The following ZNF273 variants were observed in gnomAD, a reference collection of about 807,000 sequenced individuals.
ZNF273 encodes the protein zinc finger protein 9.
A neutral mutation model predicts 14.9 loss-of-function variants in ZNF273; 11 were observed. The ratio of observed to expected loss-of-function variants is 0.74; its 90% CI spans 0.46 to 1.22. The LOEUF (loss-of-function observed/expected upper bound fraction) is 1.22. ZNF273 is among the 50% of genes most tolerant of loss of function. The pLI is 0.00. For synonymous variants in ZNF273, 199 were observed against 223.9 expected (o/e 0.89, Z 0.99); for missense variants, 577 against 660.6 (o/e 0.87, Z 1.39).
In ZNF273 at chr7:64,912,846, T is replaced by TTTTTTTG. The variant is rs1562959220; in HGVS notation, c.103-4735_103-4734insTTTTTTG. On this transcript the variant is annotated intron_variant, in intron 1 of 3. Coordinates refer to ENST00000476120, the MANE Select transcript of ZNF273 (RefSeq NM_021148.3). ...TTTTAGTTTTTTTTTTTTTTTTTTT[T>TTTTTTTG]GAGATTGAGTTTCGCTCTGTCATCC... 7.2e-3 allele frequency among the ~76,000 whole-genome samples: 712 copies of TTTTTTTG among 98,260 alleles called. 110 individuals carry two copies. Among genetic ancestry groups the TTTTTTTG allele is most frequent in the Non-Finnish European group, 0.015 (605 of 39,246 alleles). The allele number at this position is 98,260 out of a possible 152,430, so 64.5% of individuals were successfully genotyped here. A position where few individuals can be genotyped will look rare whatever the true frequency, so the allele number is the denominator to read the frequency against.
chr7:64,930,592 A>G lies in ZNF273; in HGVS notation c.*1554A>G, dbSNP rs1193551987. 1.3e-5 allele frequency: 2 copies of G among 152,158 alleles called. No homozygotes were observed. Among genetic ancestry groups the G allele is most frequent in the African/African-American group, 2.4e-5 (1 of 41,460 alleles). The allele number at this position is 152,158 out of a possible 1,614,324, so 9.4% of individuals were successfully genotyped here. On this transcript the variant is annotated 3_prime_UTR_variant, in exon 4 of 4. Transcript: ENST00000476120. ...AAACTAACCTACCTCACCTTACTCAATGGTGTAGGTAAAAGATGATAGCAA... is the reference window on the plus strand; with the variant it reads ...AAACTAACCTACCTCACCTTACTCAGTGGTGTAGGTAAAAGATGATAGCAA...
chr7:64,899,762 T>C (rs566906146), upstream of ZNF273, among the ~76,000 whole-genome samples: 4 of 108,946 alleles, frequency 3.7e-5, no homozygotes, highest in East Asian at 1.3e-3. Context: ...AATTTCAAGG[T>C]TTTTTTTTTT....
At chr7:64,903,636 A>T (rs542101657) in intron 1 of ZNF273, among the ~76,000 whole-genome samples, 1 of 152,258 alleles carries the variant, frequency 6.6e-6, no homozygotes, top group South Asian at 2.1e-4. Context: ...CTCCCTGCGC[A>T]GTGACCGTTC....
At position 64,928,429 on chromosome 7, in the gene ZNF273, T is replaced by G; in HGVS notation, c.1101T>G (p.Ile367Met). 1.2e-6 allele frequency: 2 copies of G among 1,613,622 alleles called. No individual in the cohort carries two copies. The highest frequency in any genetic ancestry group is 1.3e-5 in the African/African-American group (1 of 74,970). ...CAACTCTTACTAAACATAAGAGAAT[T>G]CATACTGGAGAGAAACCCTACAAAT... ...WSSTLTKHKRIHTGEKPYKCE... is the reference protein window; with the variant it reads ...WSSTLTKHKRMHTGEKPYKCE... The change falls in exon 4 of 4, where the codon ATT becomes ATG. Residue 367 changes from isoleucine to methionine, a missense_variant. Ile to Met is a conservative substitution (Grantham distance 10). Coordinates refer to ENST00000476120, the MANE Select transcript of ZNF273 (RefSeq NM_021148.3).
At chr7:64,918,459 C>T (rs1448033268) in intron 3 of ZNF273, among the ~76,000 whole-genome samples, 167 bp downstream of exon 3, 2 of 151,920 alleles carry the variant, frequency 1.3e-5, no homozygotes, top group Non-Finnish European at 2.9e-5. Flanking sequence ...TCAAGAGATC[C>T]AGAGCATCCT....
downstream of ZNF273, among the ~76,000 whole-genome samples, chr7:64,934,705 C>T (rs767876029): frequency 2.0e-5 from 3 of 151,886 alleles, no homozygotes; most frequent in Non-Finnish European, 4.4e-5. Context: ...GTTTTGAGTA[C>T]TATAGCTTGG....
chr7:64,881,443 T>C (rs903032793), downstream of ZNF273, among the ~76,000 whole-genome samples: 1 of 152,262 alleles, frequency 6.6e-6, no homozygotes, highest in African/African-American at 2.4e-5. Context: ...GCTGCTGTGA[T>C]ACTTTTGGAA....
chr7:64,928,949 C>G lies in ZNF273; in HGVS notation c.1621C>G (p.Pro541Ala). Residue 541 changes from proline to alanine, a missense_variant, in exon 4 of 4, where the codon CCA becomes GCA. Physicochemically the swap from Pro to Ala is conservative, Grantham distance 27. This residue lies in a region of ZNF273 where 411 missense variants were observed against 440.4 expected (regional missense o/e 0.93). Transcript: ENST00000476120. ...RHKKIHTGEK[P>A]YKPKRCDSAF... is the part of the protein sequence containing the mutation. ...TAAGAAAATTCATACTGGAGAGAAA[C>G]CATACAAACCTAAAAGATGTGACAG... 6.2e-7 allele frequency: 1 copy of G among 1,611,004 alleles called. No individual in the cohort carries two copies. Among genetic ancestry groups the G allele is most frequent in the Non-Finnish European group, 8.5e-7 (1 of 1,178,860 alleles).
At chr7:64,888,322 T>C in intron 1 of ZNF273, 5 of 985,260 alleles carry the variant, frequency 5.1e-6, no homozygotes, top group Non-Finnish European at 6.0e-6. Context: ...CACAGGCTGC[T>C]CAACACCTCT....
upstream of ZNF273, among the ~76,000 whole-genome samples, chr7:64,898,786 C>T (rs1792512518): frequency 6.6e-6 from 1 of 152,148 alleles, no homozygotes; most frequent in Non-Finnish European, 1.5e-5. Context: ...GGAGGTGCAC[C>T]ACATTGCATG....
At chr7:64,883,222 C>G (rs930202044), downstream of ZNF273, among the ~76,000 whole-genome samples, 3 of 136,736 alleles carry the variant, frequency 2.2e-5, no homozygotes, top group Admixed American at 7.5e-5. Flanking sequence ...CCACCCCCCC[C>G]TCACCAAGCA....
intron 3 of ZNF273, among the ~76,000 whole-genome samples, chr7:64,919,545 A>AT (rs1171655006): frequency 6.6e-6 from 1 of 152,128 alleles, no homozygotes; most frequent in African/African-American, 2.4e-5. Flanking sequence ...AGGCAGGACA[A>AT]TCACCTGAAC....
chr7:64,892,554 T>C (rs1412265868), downstream of ZNF273, among the ~76,000 whole-genome samples: 1 of 152,158 alleles, frequency 6.6e-6, no homozygotes, highest in African/African-American at 2.4e-5. Flanking sequence ...TGTTGCCTAA[T>C]GGTCATAAAA....
At position 64,914,914 on chromosome 7, in the gene ZNF273, G is replaced by GA. The variant is rs796065995; in HGVS notation, c.103-2661dup. 2.5e-4 allele frequency among the ~76,000 whole-genome samples: 28 copies of GA among 111,174 alleles called. No individual in the cohort carries two copies. The South Asian group carries it at 3.0e-3, about 12-fold the overall frequency. 72.9% of individuals were successfully genotyped at this position (111,174 alleles called of 152,430 possible). On this transcript the variant is annotated intron_variant, in intron 1 of 3. Transcript: ENST00000476120. ...ATCCCAGAGAAGGAGGAGAAAAGGG[G>GA]AAAAAATGGCCTTTTTTTTTTTTTT...
At chr7:64,904,712 A>G (rs1792969099) in intron 1 of ZNF273, among the ~76,000 whole-genome samples, 1 of 152,202 alleles carries the variant, frequency 6.6e-6, no homozygotes, top group Non-Finnish European at 1.5e-5. Context: ...ATTGGATAGC[A>G]CTTTAGAAAA....
At chr7:64,906,791 T>A (rs2129059968) in intron 1 of ZNF273, among the ~76,000 whole-genome samples, 1 of 152,260 alleles carries the variant, frequency 6.6e-6, no homozygotes, top group Non-Finnish European at 1.5e-5. Flanking sequence ...AAGTTGTTAC[T>A]GTTTTAAGGC....
At chr7:64,924,464 A>G (rs1272895930) in intron 3 of ZNF273, 1 of 152,056 alleles carries the variant, frequency 6.6e-6, no homozygotes. Flanking sequence ...AATTCTGTTG[A>G]TATTTGCTTT....
intron 1 of ZNF273, among the ~76,000 whole-genome samples, chr7:64,912,825 A>AGTTTTTTGTTGTT (rs138740277): frequency 4.2e-3 from 70 of 16,828 alleles, no homozygotes; most frequent in African/African-American, 4.8e-3. Flanking sequence ...GATTCATTTT[A>AGTTTTTTGTTGTT]GTTTTTTTTT....
intron 1 of ZNF273, among the ~76,000 whole-genome samples, chr7:64,909,835 G>GA: frequency 6.7e-6 from 1 of 150,322 alleles, no homozygotes; most frequent in African/African-American, 2.4e-5. Context: ...TGCAAGCATC[G>GA]TTTTTTTTTG....
Sources: gnomAD v4.1 joint callset for allele counts (sites outside exome capture counted in the v4.1 genomes callset) on GRCh38, gnomAD v4.1.1 for gene constraint, gnomAD v4.1.1 regional missense constraint, MANE v1.5 for transcripts, NCBI Gene and HGNC (gene_info 2026-07-23, HGNC 2026-07-21) for gene names.